ADAMTS19: variants seen among roughly 807,000 people sequenced by gnomAD.
The protein encoded by ADAMTS19 is A disintegrin and metalloproteinase with thrombospondin motifs 19.
ADAMTS19 carries 93 observed loss-of-function variants against 153.3 expected under a neutral mutation model. The ratio of observed to expected loss-of-function variants is 0.61; its 90% CI spans 0.51 to 0.72. The LOEUF is 0.72. Among genes scored for constraint, ADAMTS19 ranks in the 30% least tolerant of loss-of-function variants. ADAMTS19 has a pLI of 0.00. For synonymous variants in ADAMTS19, 600 were observed against 556.6 expected (o/e 1.08, Z -1.10); for missense variants, 1,482 against 1,552.1 (o/e 0.95, Z 0.76).
At chr5:129,626,423 G>C (rs1288404912) in intron 10 of ADAMTS19, among the ~76,000 whole-genome samples, 1 of 151,850 alleles carries the variant, frequency 6.6e-6, no homozygotes, top group African/African-American at 2.4e-5. Flanking sequence ...TTTTTTCCTT[G>C]ATCTCTGAAA....
At chr5:129,558,214 G>T (rs371653785) in intron 7 of ADAMTS19, among the ~76,000 whole-genome samples, 1 of 151,790 alleles carries the variant, frequency 6.6e-6, no homozygotes, top group Non-Finnish European at 1.5e-5. Flanking sequence ...ACTTCTATTC[G>T]ACAATGCACT....
chr5:129,629,557 T>C (rs1012371256), intron 10 of ADAMTS19, among the ~76,000 whole-genome samples: 1 of 152,096 alleles, frequency 6.6e-6, no homozygotes, highest in Non-Finnish European at 1.5e-5. Context: ...AGGCTCAGCA[T>C]TATTGCATAA....
intron 6 of ADAMTS19, among the ~76,000 whole-genome samples, chr5:129,533,688 G>C (rs1305879707): frequency 6.6e-6 from 1 of 151,866 alleles, no homozygotes; most frequent in Non-Finnish European, 1.5e-5. Flanking sequence ...TGTGATGTTA[G>C]GGTGTCAATT....
intron 7 of ADAMTS19, among the ~76,000 whole-genome samples, chr5:129,575,923 G>C (rs895952095): frequency 6.6e-6 from 1 of 151,996 alleles, no homozygotes; most frequent in Non-Finnish European, 1.5e-5. Flanking sequence ...TTTCTGAAGA[G>C]GGATAAGATG....
chr5:129,507,836 T>A (rs1028170339), intron 2 of ADAMTS19, among the ~76,000 whole-genome samples: 1 of 151,948 alleles, frequency 6.6e-6, no homozygotes, highest in African/African-American at 2.4e-5. Flanking sequence ...TTCTTGATAA[T>A]TTTTTAGTGA....
intron 18 of ADAMTS19, among the ~76,000 whole-genome samples, chr5:129,687,745 C>T (rs1755157050): frequency 6.6e-6 from 1 of 152,168 alleles, no homozygotes; most frequent in African/African-American, 2.4e-5. Context: ...GCTCATCATA[C>T]TGCCTTCATG....
chr5:129,716,386 A>G (rs1375980008), intron 21 of ADAMTS19, among the ~76,000 whole-genome samples: 1 of 151,856 alleles, frequency 6.6e-6, no homozygotes, highest in Non-Finnish European at 1.5e-5. Context: ...TTTAGTAGAG[A>G]TGGGGTTTTG....
Position 129,461,568 on chromosome 5 carries a change from C to A in ADAMTS19, c.558C>A (p.Leu186=), listed in dbSNP as rs1052982799. 1 of 1,558,892 alleles carries A rather than the reference C, an allele frequency of 6.4e-7. No individual in the cohort carries two copies. Among genetic ancestry groups the A allele is most frequent in the Non-Finnish European group, 8.6e-7 (1 of 1,159,158 alleles). ...TCTCTCGGGACCTGTACCTGCTGCTCCGGAGAGACGGCCGCTTCCTGGCGC... is the reference window on the plus strand; with the variant it reads ...TCTCTCGGGACCTGTACCTGCTGCTACGGAGAGACGGCCGCTTCCTGGCGC... ...PAFSRDLYLL[L]RRDGRFLAPR... Residue 186 remains leucine (L), a synonymous_variant, in exon 2 of 23, where the codon CTC becomes CTA. Coordinates refer to ENST00000274487, the MANE Select transcript of ADAMTS19 (RefSeq NM_133638.6). This position sits in a 1 kb window ranked among gnomAD's most constrained non-coding sequence, Gnocchi z 4.6.
chr5:129,596,468 C>T lies in ADAMTS19; in HGVS notation c.1373-91C>T, dbSNP rs530307304. 2.6e-4 allele frequency: 227 copies of T among 872,066 alleles called. 4 individuals carry two copies. The South Asian group carries it at 4.1e-3, about 16-fold the overall frequency. 54.0% of individuals were successfully genotyped at this position (872,066 alleles called of 1,614,324 possible). ...ATTAATACTGACATTTTAGTCGTGA[C>T]AACTGCCATTTTCATTCCTGCTGCT... On this transcript the variant is annotated intron_variant, in intron 7 of 22. Transcript: ENST00000274487.
intron 3 of ADAMTS19, among the ~76,000 whole-genome samples, chr5:129,519,648 GAAA>G (rs60640527): frequency 6.9e-6 from 1 of 144,654 alleles, no homozygotes; most frequent in African/African-American, 2.5e-5. Flanking sequence ...CATTTTATAG[GAAA>G]AAAAAAAAAA....
At chr5:129,637,962 C>G (rs1250931506) in intron 10 of ADAMTS19, among the ~76,000 whole-genome samples, 1 of 151,852 alleles carries the variant, frequency 6.6e-6, no homozygotes, top group Non-Finnish European at 1.5e-5. Flanking sequence ...CTGGGGCCTA[C>G]TTGAATGGGG....
At chr5:129,527,882 T>C in intron 5 of ADAMTS19, 51 bp downstream of exon 5, 1 of 1,191,188 alleles carries the variant, frequency 8.4e-7, no homozygotes, top group South Asian at 1.3e-5. Flanking sequence ...GAAATTTTGT[T>C]CAGAAACTTT....
At chr5:129,549,455 T>C (rs1041094654) in intron 6 of ADAMTS19, among the ~76,000 whole-genome samples, 2 of 151,754 alleles carry the variant, frequency 1.3e-5, no homozygotes, top group South Asian at 4.1e-4. Flanking sequence ...CAATCCACCT[T>C]AGCAAAGTAA....
intron 16 of ADAMTS19, among the ~76,000 whole-genome samples, chr5:129,678,958 T>C (rs986217345): frequency 1.3e-5 from 2 of 152,292 alleles, no homozygotes; most frequent in East Asian, 1.9e-4. Flanking sequence ...AGTAAAGTTG[T>C]ATGGAAGAGT....
At position 129,509,155 on chromosome 5, in the gene ADAMTS19, C is replaced by T. The variant is rs1014117872; in HGVS notation, c.826C>T (p.His276Tyr). The change falls in exon 3 of 23, where the codon CAC (histidine) becomes TAC (tyrosine). Residue 276 changes from histidine to tyrosine, a missense_variant. By Grantham distance (83) the His-to-Tyr change is moderately conservative. Around this residue, in one of 2 missense-constraint regions of ADAMTS19, gnomAD observed 866 missense variants for 827.7 expected, o/e 1.05. Coordinates refer to ENST00000274487, the MANE Select transcript of ADAMTS19 (RefSeq NM_133638.6). Reference protein sequence around the residue: ...NDTMAITGHPHRVYRQKRSME... With the variant: ...NDTMAITGHPYRVYRQKRSME... ...TACAATGGCCATAACAGGTCACCCA[C>T]ACCGTGTATATAGGCAGAAAAGGTC... The T allele has an allele frequency of 3.7e-6, 6 of 1,612,238 alleles. No homozygotes were observed. The highest frequency in any genetic ancestry group is 5.1e-6 in the Non-Finnish European group (6 of 1,178,798).
At chr5:129,668,469 C>A (rs996643136) in intron 16 of ADAMTS19, among the ~76,000 whole-genome samples, 1 of 152,112 alleles carries the variant, frequency 6.6e-6, no homozygotes, top group Non-Finnish European at 1.5e-5. Flanking sequence ...GGCTCATTTC[C>A]TGATTTACAG....
intron 2 of ADAMTS19, among the ~76,000 whole-genome samples, chr5:129,493,919 T>C (rs1750848172): frequency 1.3e-5 from 2 of 152,102 alleles, no homozygotes; most frequent in Admixed American, 1.3e-4. Flanking sequence ...TCACATATTG[T>C]CTATTTCATA....
chr5:129,507,350 G>T (rs1751298017), intron 2 of ADAMTS19, among the ~76,000 whole-genome samples: 1 of 151,886 alleles, frequency 6.6e-6, no homozygotes, highest in Non-Finnish European at 1.5e-5. Flanking sequence ...CTCAATTTAT[G>T]TGTAGATGTA....
At chr5:129,541,634 C>T (rs1003253365) in intron 6 of ADAMTS19, among the ~76,000 whole-genome samples, 1 of 151,810 alleles carries the variant, frequency 6.6e-6, no homozygotes, top group Non-Finnish European at 1.5e-5. Flanking sequence ...CTCCTGAGAC[C>T]CTTACCACGT....
Sources: gnomAD v4.1 joint callset for allele counts (sites outside exome capture counted in the v4.1 genomes callset) on GRCh38, gnomAD v4.1.1 for gene constraint, gnomAD v4.1.1 regional missense constraint, Gnocchi (gnomAD v3.1) non-coding constraint, MANE v1.5 for transcripts, NCBI Gene and HGNC (gene_info 2026-07-23, HGNC 2026-07-21) for gene names.